Variants in CSMD1 observed in about 807,000 individuals in gnomAD.
CSMD1 encodes the protein CUB and Sushi multiple domains 1, also known as CUB and sushi domain-containing protein 1.
In CSMD1, 213 loss-of-function variants were observed where a neutral mutation model predicts 417.5. The ratio of observed to expected loss-of-function variants is 0.51; its 90% CI spans 0.46 to 0.57. CSMD1 has a LOEUF of 0.57. CSMD1 is among the 20% of genes least tolerant of loss of function. The pLI is 0.00. For synonymous variants in CSMD1, 2,862 were observed against 1,736.8 expected (o/e 1.65, Z -16.11); for missense variants, 6,923 against 4,529.7 (o/e 1.53, Z -15.17).
intron 12 of CSMD1, among the ~76,000 whole-genome samples, chr8:3,449,321 CA>C (rs1815534732): frequency 6.6e-6 from 1 of 152,122 alleles, no homozygotes; most frequent in Middle Eastern, 3.2e-3. Context: ...GAATCCAAAT[CA>C]GCACAAACTC....
intron 5 of CSMD1, among the ~76,000 whole-genome samples, chr8:3,929,659 A>C (rs1283342047): frequency 7.6e-6 from 1 of 131,284 alleles, no homozygotes; most frequent in Non-Finnish European, 1.6e-5. Context: ...TGTATGAATA[A>C]AAATACTATT....
chr8:4,571,288 A>AT (rs1288059127), intron 2 of CSMD1, among the ~76,000 whole-genome samples: 2 of 152,196 alleles, frequency 1.3e-5, no homozygotes, highest in East Asian at 1.9e-4. Context: ...TAGCACTATG[A>AT]TTTTCCCTCA....
intron 1 of CSMD1, among the ~76,000 whole-genome samples, chr8:4,674,132 C>A (rs1274769216): frequency 6.6e-6 from 1 of 152,138 alleles, no homozygotes; most frequent in Non-Finnish European, 1.5e-5. Context: ...CATCTCACAG[C>A]AGATGTCCAC....
chr8:4,769,194 T>C (rs569381857), intron 1 of CSMD1, among the ~76,000 whole-genome samples: 4 of 152,186 alleles, frequency 2.6e-5, no homozygotes, highest in Non-Finnish European at 5.9e-5. Context: ...TAACACCACA[T>C]ACCTCATGGC....
At chr8:3,903,463 A>T (rs1167162067) in intron 5 of CSMD1, among the ~76,000 whole-genome samples, 1 of 152,206 alleles carries the variant, frequency 6.6e-6, no homozygotes, top group Non-Finnish European at 1.5e-5. Flanking sequence ...TATTACTCTC[A>T]AGAAAGTCTA....
chr8:3,998,253 T>A (rs1815378357), intron 4 of CSMD1, 143 bp from the exon 5 acceptor site: 1 of 674,730 alleles, frequency 1.5e-6, no homozygotes, highest in East Asian at 2.7e-5. Context: ...AAGAATCTTT[T>A]GGTATGTTAA....
intron 5 of CSMD1, among the ~76,000 whole-genome samples, chr8:3,950,843 A>G (rs1426623607): frequency 1.3e-5 from 2 of 152,194 alleles, no homozygotes; most frequent in Non-Finnish European, 2.9e-5. Flanking sequence ...GCTAAGTAGA[A>G]TATTTTCTTT....
chr8:4,180,142 G>T (rs566198251), intron 3 of CSMD1, among the ~76,000 whole-genome samples: 1 of 152,200 alleles, frequency 6.6e-6, no homozygotes, highest in Non-Finnish European at 1.5e-5. Flanking sequence ...GTTTACTGCG[G>T]CACTATTCAC....
chr8:4,179,820 T>C (rs1798255537), intron 3 of CSMD1, among the ~76,000 whole-genome samples: 1 of 151,920 alleles, frequency 6.6e-6, no homozygotes, highest in Non-Finnish European at 1.5e-5. Flanking sequence ...AAAAGACACA[T>C]GAAAAAATGC....
intron 1 of CSMD1, among the ~76,000 whole-genome samples, chr8:4,703,189 A>C (rs953564156): frequency 6.6e-6 from 1 of 152,214 alleles, no homozygotes; most frequent in Non-Finnish European, 1.5e-5. Context: ...TTTTCTTTAC[A>C]AAATTCAGTG....
At chr8:3,788,525 C>G (rs2623672) in intron 5 of CSMD1, among the ~76,000 whole-genome samples, 39 of 152,184 alleles carry the variant, frequency 2.6e-4, no homozygotes, top group African/African-American at 9.4e-4. Flanking sequence ...CTTCATCTCA[C>G]CTCAGATATT....
intron 2 of CSMD1, among the ~76,000 whole-genome samples, chr8:4,584,526 C>T (rs897978374): frequency 6.6e-5 from 10 of 152,106 alleles, no homozygotes; most frequent in African/African-American, 9.7e-5. Context: ...CCCAACTCTT[C>T]GGAGTTGGGA....
intron 3 of CSMD1, among the ~76,000 whole-genome samples, chr8:4,193,601 G>A (rs1318175274): frequency 6.6e-6 from 1 of 152,028 alleles, no homozygotes; most frequent in Non-Finnish European, 1.5e-5. Context: ...GGTCCCACCG[G>A]GCCCTCTGAG....
intron 1 of CSMD1, among the ~76,000 whole-genome samples, chr8:4,856,927 C>T (rs969404442): frequency 1.3e-5 from 2 of 152,122 alleles, no homozygotes; most frequent in Non-Finnish European, 2.9e-5. Context: ...TAATAGAAAT[C>T]TACAGAACTC....
At chr8:4,095,402 A>C (rs1046549417) in intron 3 of CSMD1, among the ~76,000 whole-genome samples, 1 of 93,138 alleles carries the variant, frequency 1.1e-5, no homozygotes, top group Non-Finnish European at 2.2e-5. Flanking sequence ...AGTAAAAAAG[A>C]AAAAAAAATG....
At chr8:3,810,269 T>C (rs1046156729) in intron 5 of CSMD1, among the ~76,000 whole-genome samples, 1 of 152,106 alleles carries the variant, frequency 6.6e-6, no homozygotes, top group Non-Finnish European at 1.5e-5. Context: ...GGTACTTCCA[T>C]GTATTCCTGA....
chr8:3,628,947 CAAA>C (rs1796631797), intron 7 of CSMD1, among the ~76,000 whole-genome samples: 3 of 150,462 alleles, frequency 2.0e-5, no homozygotes, highest in Admixed American at 2.0e-4. Flanking sequence ...GAATGAGAAA[CAAA>C]AGAAGAATAA....
intron 7 of CSMD1, among the ~76,000 whole-genome samples, chr8:3,662,568 G>C (rs1013560322): frequency 6.6e-6 from 1 of 152,170 alleles, no homozygotes; most frequent in Non-Finnish European, 1.5e-5. Context: ...TAATGGGATC[G>C]CTAGGTCAAA....
Position 3,108,597 on chromosome 8 carries a change from A to C in CSMD1, c.6754+6T>G, listed in dbSNP as rs1816301146. On this transcript the variant is annotated splice_donor_region_variant and intron_variant, in intron 44 of 69. Coordinates refer to ENST00000635120, the MANE Select transcript of CSMD1 (RefSeq NM_033225.6). ...GTCTTAACTAACGGAGTGAAAATCA[A>C]CTGACCGTGGAAATTGAGGACAAAG... is the stretch of plus-strand genomic sequence containing the variant. 1 of 1,613,364 alleles carries C rather than the reference A, an allele frequency of 6.2e-7. No individual in the cohort carries two copies. Among genetic ancestry groups the C allele is most frequent in the Non-Finnish European group, 8.5e-7 (1 of 1,179,706 alleles).
Sources: allele counts gnomAD v4.1 joint callset (sites outside exome capture counted in the v4.1 genomes callset), GRCh38; gene constraint gnomAD v4.1.1; transcripts MANE v1.5; gene names NCBI Gene and HGNC (gene_info 2026-07-23, HGNC 2026-07-21).